STK32B: variants seen among roughly 807,000 people sequenced by gnomAD.
STK32B encodes serine/threonine kinase 32B, also known as serine/threonine-protein kinase 32B.
STK32B carries 43 observed loss-of-function variants against 52.6 expected under a neutral mutation model. The observed-to-expected ratio is 0.82, with a 90% CI of 0.64 to 1.05. The LOEUF is 1.05. Among genes scored for constraint, STK32B ranks in the 50% least tolerant of loss-of-function variants. The pLI, the probability that STK32B is intolerant of heterozygous loss-of-function variation, is 0.00. For synonymous variants in STK32B, 238 were observed against 204.3 expected (o/e 1.17, Z -1.41); for missense variants, 621 against 534.6 (o/e 1.16, Z -1.59).
At chr4:5,190,837 T>G (rs1346613204) in intron 3 of STK32B, among the ~76,000 whole-genome samples, 1 of 151,970 alleles carries the variant, frequency 6.6e-6, no homozygotes, top group African/African-American at 2.4e-5. Flanking sequence ...CCAAGGCAGG[T>G]ACTATTATAG....
At chr4:5,452,304 G>A (rs1716079292) in intron 7 of STK32B, among the ~76,000 whole-genome samples, 3 of 152,062 alleles carry the variant, frequency 2.0e-5, no homozygotes, top group African/African-American at 2.4e-5. Context: ...CCAGAGCTCC[G>A]CCGAGAGGTG....
chr4:5,064,249 A>G (rs1386232888), intron 1 of STK32B, among the ~76,000 whole-genome samples: 1 of 128,898 alleles, frequency 7.8e-6, no homozygotes, highest in Admixed American at 8.4e-5. Context: ...TACACAATAT[A>G]TAATATATAA....
At chr4:5,344,960 G>C (rs1733350229) in intron 4 of STK32B, among the ~76,000 whole-genome samples, 1 of 151,918 alleles carries the variant, frequency 6.6e-6, no homozygotes. Context: ...AGGATCACCT[G>C]AGTCTGGGAT....
chr4:5,033,569 G>C, the STK32B span, among the ~76,000 whole-genome samples: 3 of 152,198 alleles, frequency 2.0e-5, no homozygotes, highest in Non-Finnish European at 4.4e-5. Flanking sequence ...TTTTTGTTTT[G>C]TTTTGAATTT....
Position 5,051,777 on chromosome 4 carries a change from C to T in STK32B, c.-87C>T. On this transcript the variant is annotated 5_prime_UTR_variant, in exon 1 of 12. Transcript: ENST00000282908. ...CTACAACCCGGACTGGGCGCGCCCC[C>T]GGCATCCCGCATCTCTGCGCGCGTC... 1 of 1,532,136 alleles carries T rather than the reference C, an allele frequency of 6.5e-7. No individual in the cohort carries two copies. The highest frequency in any genetic ancestry group is 2.5e-5 in the East Asian group (1 of 40,084). 94.9% of individuals were successfully genotyped at this position (1,532,136 alleles called of 1,614,324 possible).
chr4:5,274,877 C>T (rs1727708613), intron 3 of STK32B, among the ~76,000 whole-genome samples: 1 of 152,194 alleles, frequency 6.6e-6, no homozygotes, highest in African/African-American at 2.4e-5. Flanking sequence ...CCGCTATGCT[C>T]CTGATCCAGC....
At chr4:5,304,717 A>G (rs537256891) in intron 3 of STK32B, among the ~76,000 whole-genome samples, 10 of 152,106 alleles carry the variant, frequency 6.6e-5, no homozygotes, top group African/African-American at 2.2e-4. Flanking sequence ...TTCCAGTACT[A>G]TGCTGAATAG....
chr4:5,343,982 T>C (rs187312922), intron 4 of STK32B, among the ~76,000 whole-genome samples: 161 of 152,332 alleles, frequency 1.1e-3, no homozygotes, highest in Admixed American at 2.6e-3. Flanking sequence ...AAAGCTATGA[T>C]TCATAGGAAA....
Position 5,331,394 on chromosome 4 carries a change from G to A in STK32B, c.434+1G>A. The A allele has an allele frequency of 6.2e-7, 1 of 1,607,098 alleles. No individual in the cohort carries two copies. Among genetic ancestry groups the A allele is most frequent in the East Asian group, 2.2e-5 (1 of 44,600 alleles). On this transcript the variant is annotated splice_donor_variant, in intron 4 of 11. Transcript: ENST00000282908. LOFTEE classifies it high-confidence loss of function. ...TTCAGAGGTACCACATCATCCACAG[G>A]TAACTGGGCTGCTGGCGGGATGCCT...
chr4:5,298,672 ACTG>A (rs1201659447), intron 3 of STK32B, among the ~76,000 whole-genome samples: 2 of 152,050 alleles, frequency 1.3e-5, no homozygotes, highest in Non-Finnish European at 2.9e-5. Context: ...TTGACTTTAG[ACTG>A]CTGTGCTGGC....
intron 6 of STK32B, among the ~76,000 whole-genome samples, chr4:5,439,425 C>A (rs1309908466): frequency 6.6e-6 from 1 of 151,774 alleles, no homozygotes; most frequent in Non-Finnish European, 1.5e-5. Context: ...CTGTTCATGT[C>A]CTTCGCCCAC....
At chr4:5,168,523 AG>A in intron 3 of STK32B, 73 bp downstream of exon 3, 1 of 1,499,346 alleles carries the variant, frequency 6.7e-7, no homozygotes, top group Non-Finnish European at 8.9e-7. Flanking sequence ...CCTCTGCTAG[AG>A]GGACTCTTCC....
At chr4:5,433,917 C>T (rs1050074177) in intron 6 of STK32B, among the ~76,000 whole-genome samples, 40 of 152,162 alleles carry the variant, frequency 2.6e-4, no homozygotes, top group African/African-American at 8.0e-4. Flanking sequence ...GAAAGAAAGG[C>T]GATGTCTCAT....
intron 1 of STK32B, among the ~76,000 whole-genome samples, chr4:5,089,888 C>G (rs1364594266): frequency 1.3e-5 from 2 of 152,166 alleles, no homozygotes; most frequent in Non-Finnish European, 2.9e-5. Flanking sequence ...TGTTTCCTGA[C>G]TTTTTAATAA....
At chr4:5,374,656 T>A (rs1735463905) in intron 4 of STK32B, among the ~76,000 whole-genome samples, 1 of 152,144 alleles carries the variant, frequency 6.6e-6, no homozygotes, top group South Asian at 2.1e-4. Context: ...TTCAGCGTCT[T>A]TTATAAGGGT....
chr4:5,085,766 G>T (rs1275901116), intron 1 of STK32B, among the ~76,000 whole-genome samples: 1 of 152,188 alleles, frequency 6.6e-6, no homozygotes, highest in Non-Finnish European at 1.5e-5. Flanking sequence ...GCTGAACTTT[G>T]TTGAGAACAG....
At chr4:5,031,639 G>A in the STK32B span, among the ~76,000 whole-genome samples, 1 of 152,118 alleles carries the variant, frequency 6.6e-6, no homozygotes, top group South Asian at 2.1e-4. Flanking sequence ...TTATAAATTT[G>A]GTGATTCATT....
intron 11 of STK32B, among the ~76,000 whole-genome samples, chr4:5,486,542 G>A (rs1331608350): frequency 2.6e-5 from 4 of 152,218 alleles, no homozygotes; most frequent in East Asian, 3.9e-4. Context: ...AAGGTGAGGC[G>A]ATGCCTCGCC....
upstream of STK32B, among the ~76,000 whole-genome samples, chr4:5,049,306 C>T (rs1286240983): frequency 6.6e-6 from 1 of 152,084 alleles, no homozygotes; most frequent in Admixed American, 6.5e-5. Flanking sequence ...AAGGGATTCT[C>T]CCACCTCAGC....
Sources: gnomAD v4.1 joint callset for allele counts (sites outside exome capture counted in the v4.1 genomes callset) on GRCh38, gnomAD v4.1.1 for gene constraint, MANE v1.5 for transcripts, NCBI Gene and HGNC (gene_info 2026-07-23, HGNC 2026-07-21) for gene names.